Variants in SLC7A14 observed in about 807,000 individuals in gnomAD.
The protein encoded by SLC7A14 is solute carrier family 7 member 14.
SLC7A14 carries 37 observed loss-of-function variants against 60.2 expected under a neutral mutation model. That is an observed-to-expected ratio of 0.61 (90% CI 0.47 to 0.81). SLC7A14 has a LOEUF of 0.81. Among genes scored for constraint, SLC7A14 ranks in the 30% least tolerant of loss-of-function variants. SLC7A14 has a pLI of 0.00. For missense variants in SLC7A14, 886 were observed against 982.7 expected (o/e 0.90, Z 1.32); for synonymous variants, 399 against 395.8 (o/e 1.01, Z -0.10).
In SLC7A14 at chr3:170,532,730, C is replaced by T. The variant is rs145933918; in HGVS notation, c.-152-5642G>A. Among the ~76,000 whole-genome samples the T allele has an allele frequency of 6.6e-6, 1 of 152,174 alleles. No homozygotes were observed. Among genetic ancestry groups the T allele is most frequent in the East Asian group, 1.9e-4 (1 of 5,170 alleles). On this transcript the variant is annotated intron_variant, in intron 1 of 7. Coordinates refer to ENST00000231706, the MANE Select transcript of SLC7A14 (RefSeq NM_020949.3). The surrounding 1 kb of genome is among the most constrained non-coding windows in gnomAD (Gnocchi z 4.0). The stretch of plus-strand genomic sequence containing the variant: ...CTGACACCCTTCCCACCACCTTCAC[C>T]TCCTTAGGCAGCTCTCAGAGGGCCC...
rs1739668212 is a variant in SLC7A14, at chr3:170,464,259, CA to C, written c.*2795del. 1 of 152,264 alleles carries C rather than the reference CA, an allele frequency of 6.6e-6. No homozygotes were observed. The highest frequency in any genetic ancestry group is 2.1e-4 in the South Asian group (1 of 4,818). The allele number at this position is 152,264 out of a possible 1,614,324, so 9.4% of individuals were successfully genotyped here. A position where few individuals can be genotyped will look rare whatever the true frequency, so the allele number is the denominator to read the frequency against. On this transcript the variant is annotated 3_prime_UTR_variant, in exon 8 of 8. Coordinates refer to ENST00000231706, the MANE Select transcript of SLC7A14 (RefSeq NM_020949.3). ...TAATTGGCTCCAAACCACAAATCCA[CA>C]CAATGAAATCTCACTCGGAGAGCTT...
intron 7 of SLC7A14, among the ~76,000 whole-genome samples, chr3:170,472,767 CA>C (rs11456241): frequency 2.1e-3 from 223 of 107,104 alleles, no homozygotes; most frequent in Admixed American, 2.5e-3. Flanking sequence ...GACTCCGTCT[CA>C]AAAAAAAAAA....
intron 2 of SLC7A14, among the ~76,000 whole-genome samples, chr3:170,514,652 A>G (rs1319386834): frequency 6.6e-6 from 1 of 152,208 alleles, no homozygotes; most frequent in Non-Finnish European, 1.5e-5. Flanking sequence ...CAGAGTCAAA[A>G]GCGTGCTCTT....
At chr3:170,516,974 G>T (rs1713177611) in intron 2 of SLC7A14, among the ~76,000 whole-genome samples, 3 of 152,022 alleles carry the variant, frequency 2.0e-5, no homozygotes, top group East Asian at 1.9e-4. Flanking sequence ...ATTTTGTAGG[G>T]TTTTTTGGGA....
intron 1 of SLC7A14, among the ~76,000 whole-genome samples, chr3:170,550,792 G>A (rs912537959): frequency 1.3e-5 from 2 of 152,064 alleles, no homozygotes; most frequent in African/African-American, 4.8e-5. Context: ...AAAGTGCTGG[G>A]ATTACAGGCA....
At chr3:170,538,238 T>TAA (rs1204804543) in intron 1 of SLC7A14, among the ~76,000 whole-genome samples, 3 of 152,232 alleles carry the variant, frequency 2.0e-5, no homozygotes, top group Non-Finnish European at 4.4e-5. Flanking sequence ...GCAATTTGGA[T>TAA]GACTGACTTT....
At chr3:170,567,270 G>A (rs142512675) in intron 1 of SLC7A14, among the ~76,000 whole-genome samples, 3,399 of 149,864 alleles carry the variant, frequency 0.023, 141 homozygotes, top group African/African-American at 0.079. Flanking sequence ...TTTGTTTTTT[G>A]TCCTTGCGAT....
intron 4 of SLC7A14, among the ~76,000 whole-genome samples, chr3:170,489,318 T>C (rs1458667745): frequency 6.6e-6 from 1 of 152,188 alleles, no homozygotes; most frequent in Non-Finnish European, 1.5e-5. Context: ...TAGACATTTC[T>C]CAAAAGAAGA....
intron 7 of SLC7A14, among the ~76,000 whole-genome samples, chr3:170,475,016 ACT>A (rs1428976720): frequency 6.6e-6 from 1 of 152,086 alleles, no homozygotes; most frequent in Non-Finnish European, 1.5e-5. Flanking sequence ...GTTCCCTGAG[ACT>A]CTGCCCAACC....
chr3:170,471,181 C>T lies in SLC7A14; in HGVS notation c.1994-3804G>A, dbSNP rs1239570150. ...ACAACAGGACAGTGGGCACAGAAAACATAAGGGAAGGTCCACAGCCACACA... is the reference window on the plus strand; with the variant it reads ...ACAACAGGACAGTGGGCACAGAAAATATAAGGGAAGGTCCACAGCCACACA... On this transcript the variant is annotated intron_variant, in intron 7 of 7. Coordinates refer to ENST00000231706, the MANE Select transcript of SLC7A14 (RefSeq NM_020949.3). Among the ~76,000 whole-genome samples the T allele has an allele frequency of 3.3e-5, 5 of 151,544 alleles. No individual in the cohort carries two copies. The East Asian group carries it at 9.7e-4, about 29-fold the overall frequency.
intron 1 of SLC7A14, among the ~76,000 whole-genome samples, chr3:170,569,271 T>A (rs1714877422): frequency 1.3e-5 from 2 of 151,904 alleles, no homozygotes; most frequent in Admixed American, 1.3e-4. Flanking sequence ...GAGATAATCA[T>A]GTGGTTTTTG....
intron 5 of SLC7A14, among the ~76,000 whole-genome samples, chr3:170,483,839 A>G (rs1305119694): frequency 6.6e-6 from 1 of 152,152 alleles, no homozygotes; most frequent in Non-Finnish European, 1.5e-5. Flanking sequence ...TTCAGTGGAG[A>G]GCAGATATTT....
intron 4 of SLC7A14, among the ~76,000 whole-genome samples, chr3:170,488,866 T>C (rs1333646419): frequency 1.3e-5 from 2 of 148,480 alleles, no homozygotes; most frequent in African/African-American, 5.0e-5. Context: ...TCAAGTCCTT[T>C]GTGGAAATAA....
chr3:170,464,023 C>T lies in SLC7A14; in HGVS notation c.*3032G>A, dbSNP rs1468122182. On this transcript the variant is annotated 3_prime_UTR_variant, in exon 8 of 8. Coordinates refer to ENST00000231706, the MANE Select transcript of SLC7A14 (RefSeq NM_020949.3). ...TATTTTTCATGGTGTCACTCATTGGCAAATTTAGTAAAGCATGTCAGGGTT... is the reference window on the plus strand; with the variant it reads ...TATTTTTCATGGTGTCACTCATTGGTAAATTTAGTAAAGCATGTCAGGGTT... 3.3e-5 allele frequency: 5 copies of T among 152,176 alleles called. No homozygotes were observed. Among genetic ancestry groups the T allele is most frequent in the Non-Finnish European group, 7.3e-5 (5 of 68,048 alleles). The allele number at this position is 152,176 out of a possible 1,614,324, so 9.4% of individuals were successfully genotyped here.
chr3:170,548,039 A>G (rs1714232363), intron 1 of SLC7A14, among the ~76,000 whole-genome samples: 1 of 152,182 alleles, frequency 6.6e-6, no homozygotes, highest in African/African-American at 2.4e-5. Context: ...CTCTCAAAAG[A>G]TTGTGCCAGT....
chr3:170,569,379 T>C (rs1164687737), intron 1 of SLC7A14, among the ~76,000 whole-genome samples: 1 of 152,224 alleles, frequency 6.6e-6, no homozygotes, highest in African/African-American at 2.4e-5. Flanking sequence ...TCATGGTGGA[T>C]AAGCTTTTTG....
chr3:170,465,732 C>G lies in SLC7A14; in HGVS notation c.*1323G>C, dbSNP rs997834506. ...AATTGTGCCTTCACATACATTTGTA[C>G]GTATCTCAGTGCAGCCACAGGAATT... is the stretch of plus-strand genomic sequence containing the variant. On this transcript the variant is annotated 3_prime_UTR_variant, in exon 8 of 8. Coordinates refer to ENST00000231706, the MANE Select transcript of SLC7A14 (RefSeq NM_020949.3). 6.6e-6 allele frequency: 1 copy of G among 152,178 alleles called. No individual in the cohort carries two copies. The highest frequency in any genetic ancestry group is 2.4e-5 in the African/African-American group (1 of 41,436). The allele number at this position is 152,178 out of a possible 1,614,324, so 9.4% of individuals were successfully genotyped here.
chr3:170,581,138 A>G (rs1715223204), intron 1 of SLC7A14, among the ~76,000 whole-genome samples: 2 of 152,238 alleles, frequency 1.3e-5, no homozygotes, highest in African/African-American at 2.4e-5. Flanking sequence ...TGCAAACTCA[A>G]TAATTCAGTC....
chr3:170,488,191 A>C (rs1203280026), intron 4 of SLC7A14, among the ~76,000 whole-genome samples: 1 of 152,258 alleles, frequency 6.6e-6, no homozygotes, highest in East Asian at 1.9e-4. Flanking sequence ...AGGCTTCATC[A>C]AACATCCAGG....
Sources: allele counts gnomAD v4.1 joint callset (sites outside exome capture counted in the v4.1 genomes callset), GRCh38; gene constraint gnomAD v4.1.1; non-coding constraint Gnocchi (gnomAD v3.1); transcripts MANE v1.5; gene names NCBI Gene and HGNC (gene_info 2026-07-23, HGNC 2026-07-21).